The following SAMSN1 variants were observed in gnomAD, a reference collection of about 807,000 sequenced individuals.
The protein encoded by SAMSN1 is SAM domain, SH3 domain and nuclear localization signals 1, also known as SAM domain-containing protein SAMSN-1.
A neutral mutation model predicts 42.0 loss-of-function variants in SAMSN1; 31 were observed. That is an observed-to-expected ratio of 0.74 (90% confidence interval 0.55 to 1.00). SAMSN1 has a LOEUF of 1.00. SAMSN1 is among the 50% of genes least tolerant of loss of function. SAMSN1 has a pLI of 0.00. For synonymous variants in SAMSN1, 178 were observed against 151.9 expected (o/e 1.17, Z -1.26); for missense variants, 464 against 439.4 (o/e 1.06, Z -0.50).
intron 2 of SAMSN1, among the ~76,000 whole-genome samples, chr21:14,626,998 A>G (rs764135545): frequency 1.3e-5 from 2 of 152,154 alleles, no homozygotes; most frequent in Admixed American, 6.5e-5. Context: ...GAAGCTGGAA[A>G]CCATCATTCT....
At chr21:14,540,262 C>T (rs1184971358) in intron 1 of SAMSN1, among the ~76,000 whole-genome samples, 2 of 152,164 alleles carry the variant, frequency 1.3e-5, no homozygotes, top group Admixed American at 6.5e-5. Flanking sequence ...ACACCAAAAG[C>T]AATGGCAACA....
chr21:14,638,402 C>G (rs1233158751), intron 2 of SAMSN1, among the ~76,000 whole-genome samples: 1 of 152,082 alleles, frequency 6.6e-6, no homozygotes, highest in African/African-American at 2.4e-5. Flanking sequence ...TTTTCAAGTA[C>G]TCAATTGCCA....
chr21:14,500,478 G>A (rs1343657111), intron 6 of SAMSN1, 51 bp downstream of exon 6: 2 of 1,466,948 alleles, frequency 1.4e-6, no homozygotes, highest in Admixed American at 3.4e-5. Flanking sequence ...ACTCCCTTCG[G>A]TGTTTCCATT....
intron 2 of SAMSN1, among the ~76,000 whole-genome samples, chr21:14,634,312 A>G (rs1983410256): frequency 6.6e-6 from 1 of 152,160 alleles, no homozygotes; most frequent in South Asian, 2.1e-4. Context: ...AAAATTGACA[A>G]ATGGGATCTA....
chr21:14,591,806 A>G (rs1418346312), intron 7 of SAMSN1: 1 of 152,104 alleles, frequency 6.6e-6, no homozygotes, highest in Non-Finnish European at 1.5e-5. Context: ...ATGATATTCT[A>G]GCTCCTCCTT....
At chr21:14,581,340 A>ATTTTTTTTT (rs1404934178) in intron 2 of SAMSN1, among the ~76,000 whole-genome samples, 38 of 22,520 alleles carry the variant, frequency 1.7e-3, no homozygotes, top group Non-Finnish European at 2.2e-3. Flanking sequence ...GGGAAATAAT[A>ATTTTTTTTT]TTTCTTTTTT....
intron 2 of SAMSN1, among the ~76,000 whole-genome samples, chr21:14,554,698 C>CTTTTTTT (rs34880996): frequency 2.6e-4 from 34 of 130,486 alleles, no homozygotes; most frequent in African/African-American, 3.2e-4. Flanking sequence ...TTTTCTTTTT[C>CTTTTTTT]TTTTTTTTTT....
intron 2 of SAMSN1, among the ~76,000 whole-genome samples, chr21:14,517,978 G>A (rs1240683027): frequency 6.6e-6 from 1 of 152,170 alleles, no homozygotes; most frequent in Non-Finnish European, 1.5e-5. Flanking sequence ...GGAGCAGTTT[G>A]TGCTTTAGCA....
chr21:14,656,298 G>A (rs968015895), intron 1 of SAMSN1, among the ~76,000 whole-genome samples: 4 of 151,712 alleles, frequency 2.6e-5, no homozygotes, highest in African/African-American at 4.8e-5. Flanking sequence ...AGACTCACTT[G>A]GCAGCAGAAT....
chr21:14,636,495 C>T (rs1006072914), intron 2 of SAMSN1, among the ~76,000 whole-genome samples: 9 of 152,182 alleles, frequency 5.9e-5, no homozygotes, highest in Admixed American at 2.0e-4. Context: ...AGTCAAGTCA[C>T]TAATCTCATC....
At chr21:14,569,992 C>A (rs541484154) in intron 2 of SAMSN1, among the ~76,000 whole-genome samples, 14 of 152,036 alleles carry the variant, frequency 9.2e-5, no homozygotes, top group Non-Finnish European at 1.5e-4. Context: ...TTTCCCCCCC[C>A]CCAGTTTTTC....
intron 4 of SAMSN1, 92 bp from the exon 5 acceptor site, chr21:14,510,553 C>A (rs890945955): frequency 3.6e-6 from 5 of 1,405,744 alleles, no homozygotes; most frequent in Non-Finnish European, 5.0e-6. Context: ...AATGCTGGAA[C>A]ACTGGATGCC....
upstream of SAMSN1, among the ~76,000 whole-genome samples, chr21:14,546,915 T>G (rs942034902): frequency 6.6e-6 from 1 of 152,090 alleles, no homozygotes; most frequent in Admixed American, 6.6e-5. Flanking sequence ...TTCACCATGT[T>G]AGCCAAGATG....
intron 2 of SAMSN1, among the ~76,000 whole-genome samples, chr21:14,580,749 G>C (rs902316149): frequency 4.6e-5 from 7 of 152,178 alleles, no homozygotes; most frequent in African/African-American, 1.7e-4. Context: ...AGTTCCAAGA[G>C]AAAATATGCC....
chr21:14,512,664 G>C, intron 3 of SAMSN1, 91 bp from the exon 4 acceptor site: 1 of 1,201,724 alleles, frequency 8.3e-7, no homozygotes, highest in South Asian at 1.4e-5. Flanking sequence ...ACATATTTTA[G>C]CAATAAAATA....
chr21:14,555,334 T>C (rs1456270633), intron 2 of SAMSN1, among the ~76,000 whole-genome samples: 2 of 152,230 alleles, frequency 1.3e-5, no homozygotes, highest in Non-Finnish European at 2.9e-5. Flanking sequence ...GGTAAGTGTA[T>C]GTAGCTATTT....
At chr21:14,632,408 G>T (rs1024599806) in intron 2 of SAMSN1, among the ~76,000 whole-genome samples, 1 of 151,482 alleles carries the variant, frequency 6.6e-6, no homozygotes. Context: ...TTTAGTTCCC[G>T]TATTAGTTAT....
chr21:14,594,212 A>G, intron 6 of SAMSN1: 1 of 590,828 alleles, frequency 1.7e-6, no homozygotes, highest in South Asian at 2.1e-5. Context: ...TTATCTTGTT[A>G]TCAAAGTACA....
chr21:14,636,118 T>C (rs60937991), intron 2 of SAMSN1, among the ~76,000 whole-genome samples: 14,773 of 152,146 alleles, frequency 0.097, 914 homozygotes, highest in East Asian at 0.19. Context: ...TCAGAAAACT[T>C]AGGGTCAGAG....
Sources: allele counts gnomAD v4.1 joint callset (sites outside exome capture counted in the v4.1 genomes callset), GRCh38; gene constraint gnomAD v4.1.1; transcripts MANE v1.5; gene names NCBI Gene and HGNC (gene_info 2026-07-23, HGNC 2026-07-21).